NAALADL2: variants seen among roughly 807,000 people sequenced by gnomAD.
NAALADL2 encodes the protein inactive N-acetylated-alpha-linked acidic dipeptidase-like protein 2.
In NAALADL2, 76 loss-of-function variants were observed where a neutral mutation model predicts 87.2. The ratio of observed to expected loss-of-function variants is 0.87; its 90% CI spans 0.72 to 1.05. NAALADL2 has a LOEUF of 1.05. Ranked by LOEUF, NAALADL2 falls within the 50% of genes least tolerant of loss-of-function variation. The pLI, the probability that NAALADL2 is intolerant of heterozygous loss-of-function variation, is 0.00. For synonymous variants in NAALADL2, 354 were observed against 331.0 expected (o/e 1.07, Z -0.75); for missense variants, 1,089 against 945.8 (o/e 1.15, Z -1.99).
chr3:175,696,855 G>A (rs1422190866), intron 11 of NAALADL2, among the ~76,000 whole-genome samples: 1 of 152,116 alleles, frequency 6.6e-6, no homozygotes, highest in Admixed American at 6.6e-5. Context: ...CACATGGTGA[G>A]CAATCACAAA....
chr3:175,365,825 A>G (rs1248293663), intron 5 of NAALADL2, among the ~76,000 whole-genome samples: 3 of 147,650 alleles, frequency 2.0e-5, no homozygotes, highest in African/African-American at 7.4e-5. Flanking sequence ...AGCAACTGTA[A>G]TGAAAATAGT....
At chr3:175,598,350 A>AT (rs371148260) in intron 10 of NAALADL2, among the ~76,000 whole-genome samples, 23,321 of 147,534 alleles carry the variant, frequency 0.16, 1,922 homozygotes, top group Middle Eastern at 0.18. Flanking sequence ...TAGCCCTAAG[A>AT]TTTTTTTTTT....
intron 10 of NAALADL2, among the ~76,000 whole-genome samples, chr3:175,580,840 T>G (rs1719659773): frequency 1.3e-5 from 2 of 152,144 alleles, no homozygotes; most frequent in African/African-American, 4.8e-5. Context: ...GCTGGGGTTC[T>G]CACATATTTT....
intron 11 of NAALADL2, among the ~76,000 whole-genome samples, chr3:175,628,482 C>T (rs534736063): frequency 1.3e-5 from 2 of 148,872 alleles, no homozygotes; most frequent in South Asian, 4.3e-4. Context: ...TTTAATGTTC[C>T]TGACATCACA....
chr3:174,675,006 C>T (rs1044303173), intron 2 of NAALADL2, among the ~76,000 whole-genome samples: 15 of 152,108 alleles, frequency 9.9e-5, no homozygotes, highest in Middle Eastern at 3.4e-3. Context: ...TTTGACTGAA[C>T]GCCACTAGTT....
chr3:175,308,144 G>A (rs1757937074), intron 4 of NAALADL2, among the ~76,000 whole-genome samples: 2 of 152,106 alleles, frequency 1.3e-5, no homozygotes, highest in African/African-American at 4.8e-5. Context: ...TTTTATGAAA[G>A]AAGAGAGACA....
intron 5 of NAALADL2, among the ~76,000 whole-genome samples, chr3:175,424,739 T>G (rs1202033242): frequency 6.6e-6 from 1 of 152,182 alleles, no homozygotes; most frequent in Non-Finnish European, 1.5e-5. Flanking sequence ...CTTTGTTCTT[T>G]TGGGAATTTA....
chr3:175,132,131 G>T (rs1183609166), intron 2 of NAALADL2, among the ~76,000 whole-genome samples: 14 of 132,264 alleles, frequency 1.1e-4, no homozygotes, highest in African/African-American at 3.9e-4. Context: ...TGGCCGGGCG[G>T]GGGGCTGACC....
chr3:174,821,748 T>G (rs1365115019), intron 3 of NAALADL2, among the ~76,000 whole-genome samples: 2 of 152,196 alleles, frequency 1.3e-5, no homozygotes, highest in African/African-American at 4.8e-5. Context: ...GAGCCAATTA[T>G]CTGGAAGGAA....
intron 3 of NAALADL2, among the ~76,000 whole-genome samples, chr3:174,782,486 A>T (rs1187259597): frequency 6.6e-6 from 1 of 152,030 alleles, no homozygotes; most frequent in East Asian, 1.9e-4. Flanking sequence ...TAGAAATCTG[A>T]GTGTGTCTAT....
intron 2 of NAALADL2, among the ~76,000 whole-genome samples, chr3:174,607,344 A>G: frequency 6.6e-6 from 1 of 151,786 alleles, no homozygotes; most frequent in South Asian, 2.1e-4. Flanking sequence ...AATGGACTAA[A>G]TGCTCCAATT....
chr3:175,081,239 T>C (rs911970512), intron 1 of NAALADL2: 3 of 152,224 alleles, frequency 2.0e-5, no homozygotes, highest in Non-Finnish European at 4.4e-5. Flanking sequence ...ATAAGTGTAA[T>C]TATGTTATCA....
intron 3 of NAALADL2, among the ~76,000 whole-genome samples, chr3:174,820,838 T>A (rs189372095): frequency 1.0e-3 from 153 of 151,550 alleles, no homozygotes; most frequent in African/African-American, 3.2e-3. Context: ...TATGTTTTTT[T>A]AAAAAAAAAC....
intron 5 of NAALADL2, among the ~76,000 whole-genome samples, chr3:175,434,020 C>A (rs754193124): frequency 4.6e-5 from 7 of 151,756 alleles, no homozygotes; most frequent in Non-Finnish European, 1.0e-4. Flanking sequence ...CAGCAAGAAA[C>A]GAGTGGTAAT....
intron 13 of NAALADL2, among the ~76,000 whole-genome samples, chr3:175,793,347 C>T (rs532076899): frequency 1.1e-3 from 160 of 139,816 alleles, no homozygotes; most frequent in Non-Finnish European, 1.6e-3. Context: ...CTCTCTCTGT[C>T]GCCTGGGCTG....
At chr3:175,576,336 G>T (rs1466546824) in intron 10 of NAALADL2, 149 bp downstream of exon 10, 2 of 690,558 alleles carry the variant, frequency 2.9e-6, no homozygotes, top group East Asian at 2.6e-5. Context: ...TTTTTCAAAG[G>T]CTTTGTAATA....
chr3:174,957,085 T>C (rs1315394765), intron 1 of NAALADL2, among the ~76,000 whole-genome samples: 1 of 151,932 alleles, frequency 6.6e-6, no homozygotes, highest in East Asian at 1.9e-4. Context: ...GATGCTTATT[T>C]TTTTTGTTCC....
chr3:174,441,681 A>G (rs2108253409), intron 1 of NAALADL2, among the ~76,000 whole-genome samples: 1 of 149,118 alleles, frequency 6.7e-6, no homozygotes, highest in South Asian at 2.1e-4. Flanking sequence ...CTACAGTTGC[A>G]TTGCTTCATA....
intron 13 of NAALADL2, among the ~76,000 whole-genome samples, chr3:175,772,900 A>G (rs901867379): frequency 1.3e-5 from 2 of 152,182 alleles, no homozygotes; most frequent in Admixed American, 1.3e-4. Flanking sequence ...TCCGTGCCTT[A>G]GAATCTAAAA....
Sources: allele counts gnomAD v4.1 joint callset (sites outside exome capture counted in the v4.1 genomes callset), GRCh38; gene constraint gnomAD v4.1.1; transcripts MANE v1.5; gene names NCBI Gene and HGNC (gene_info 2026-07-23, HGNC 2026-07-21).